The following FAM98B variants were observed in gnomAD, a reference collection of about 807,000 sequenced individuals.
FAM98B encodes tRNA-splicing ligase complex subunit FAM98B.
FAM98B carries 32 observed loss-of-function variants against 43.9 expected under a neutral mutation model. That is an observed-to-expected ratio of 0.73 (90% CI 0.55 to 0.98). FAM98B has a LOEUF of 0.98. FAM98B is among the 50% of genes least tolerant of loss of function. The probability of loss-of-function intolerance (pLI) is 0.00; values close to 1 mark genes in which losing one functional copy is unlikely to be tolerated. For missense variants in FAM98B, 514 were observed against 522.9 expected, an observed-to-expected ratio of 0.98 and a Z score of 0.17; for synonymous variants, 190 against 174.0, an observed-to-expected ratio of 1.09 and a Z score of -0.72.
At position 38,484,291 on chromosome 15, in the gene FAM98B, C is replaced by T; in HGVS notation, c.934C>T (p.Pro312Ser). 2 of 1,549,530 alleles carry T rather than the reference C, an allele frequency of 1.3e-6. No individual in the cohort carries two copies. The highest frequency in any genetic ancestry group is 1.7e-6 in the Non-Finnish European group (2 of 1,146,994). The change falls in exon 8 of 8, where the codon CCG becomes TCG. Residue 312 changes from proline to serine, a missense_variant. Physicochemically the swap from Pro to Ser is moderately conservative, Grantham distance 74. Around this residue, in one of 2 missense-constraint regions of FAM98B, gnomAD observed 469 missense variants for 451.8 expected, o/e 1.04. Transcript: ENST00000397609. Reference sequence around the variant, plus strand: ...AAGGGTGCCTGACAGGGGAGGCCGGCCGAATGAAATTGAACCACCACCTCC... The same window carrying T: ...AAGGGTGCCTGACAGGGGAGGCCGGTCGAATGAAATTGAACCACCACCTCC... ...MGRVPDRGGR[P>S]NEIEPPPPEM...
intron 2 of FAM98B, 45 bp downstream of exon 2, chr15:38,464,222 T>A: frequency 6.5e-7 from 1 of 1,531,030 alleles, no homozygotes; most frequent in Middle Eastern, 1.8e-4. Context: ...AATAGTAAAC[T>A]GATAACTTAC....
rs565735405 is a variant in FAM98B at position 38,485,622 on chromosome 15, C to G, written c.*963C>G. Reference sequence around the variant, plus strand: ...ATTTGCTAGTTGGAGCAGTCAAAGTCTTAGCTATCAAGAGTTGTGAATTTG... The same window carrying G: ...ATTTGCTAGTTGGAGCAGTCAAAGTGTTAGCTATCAAGAGTTGTGAATTTG... On this transcript the variant is annotated 3_prime_UTR_variant, in exon 8 of 8. Transcript: ENST00000397609. 2 of 152,172 alleles carry G rather than the reference C, an allele frequency of 1.3e-5. No homozygotes were observed. The highest frequency in any genetic ancestry group is 4.8e-5 in the African/African-American group (2 of 41,438). The allele number at this position is 152,172 out of a possible 1,614,324, so 9.4% of individuals were successfully genotyped here.
intron 7 of FAM98B, chr15:38,482,321 T>C (rs1378493726): frequency 1.3e-5 from 2 of 152,250 alleles, no homozygotes; most frequent in Non-Finnish European, 2.9e-5. Flanking sequence ...ATATATTACC[T>C]AACATCTTGC....
At position 38,473,515 on chromosome 15, in the gene FAM98B, T is replaced by C. The variant is rs201011129; in HGVS notation, c.542T>C (p.Ile181Thr). 16 of 1,603,644 alleles carry C rather than the reference T, an allele frequency of 1.0e-5. No homozygotes were observed. Among genetic ancestry groups the C allele is most frequent in the South Asian group, 5.6e-5 (5 of 88,594 alleles). ...LNQVESKVKD[I>T]LSKVQKNHVG... The stretch of plus-strand genomic sequence containing the variant: ...TATATTTACTTTTAGGTGAAAGATA[T>C]TCTCTCAAAGGTCCAGAAAAATCAT... The change falls in exon 5 of 8, where the codon ATT becomes ACT. Residue 181 changes from isoleucine (I) to threonine (T), a missense_variant. By Grantham distance (89) the Ile-to-Thr change is moderately conservative. This residue lies in a region of FAM98B where 469 missense variants were observed against 451.8 expected (regional missense o/e 1.04). Transcript: ENST00000397609.
rs1268533240 is a variant in FAM98B at position 38,486,145 on chromosome 15, A to G, written c.*1486A>G. The G allele has an allele frequency of 6.6e-6, 1 of 152,074 alleles. No individual in the cohort carries two copies. Among genetic ancestry groups the G allele is most frequent in the Admixed American group, 6.5e-5 (1 of 15,268 alleles). 9.4% of individuals were successfully genotyped at this position (152,074 alleles called of 1,614,324 possible). ...GAATATTCTGTAATCTTAGACATGT[A>G]TTTTTCAAGCTAACCCTTTGAAGAA... On this transcript the variant is annotated 3_prime_UTR_variant, in exon 8 of 8. Coordinates refer to ENST00000397609, the MANE Select transcript of FAM98B (RefSeq NM_173611.4).
chr15:38,459,547 C>A, intron 1 of FAM98B: 1 of 276,224 alleles, frequency 3.6e-6, no homozygotes, highest in South Asian at 3.3e-5. Flanking sequence ...CCATCTAATT[C>A]CACAGGTGCG....
chr15:38,481,175 T>C, intron 6 of FAM98B, 117 bp from the exon 7 acceptor site: 1 of 833,970 alleles, frequency 1.2e-6, no homozygotes, highest in Non-Finnish European at 1.9e-6. Context: ...TTTTGCTCTT[T>C]TCTAACTCCT....
chr15:38,454,877 C>T (rs984232651), intron 1 of FAM98B, among the ~76,000 whole-genome samples: 1 of 152,122 alleles, frequency 6.6e-6, no homozygotes, highest in Non-Finnish European at 1.5e-5. Flanking sequence ...AGTCTGCTGC[C>T]GGCTGGTATT....
intron 1 of FAM98B, among the ~76,000 whole-genome samples, chr15:38,456,877 G>A (rs1162399864): frequency 6.6e-6 from 1 of 152,224 alleles, no homozygotes; most frequent in Admixed American, 6.5e-5. Context: ...GGGCAGAGTG[G>A]TGGGAAATTG....
intron 1 of FAM98B, among the ~76,000 whole-genome samples, chr15:38,460,428 A>T (rs2141052063): frequency 6.6e-6 from 1 of 152,214 alleles, no homozygotes; most frequent in African/African-American, 2.4e-5. Flanking sequence ...TTTAAATGAA[A>T]GTAAAAAAAT....
intron 4 of FAM98B, among the ~76,000 whole-genome samples, chr15:38,472,444 T>A (rs1203717226): frequency 6.6e-6 from 1 of 152,078 alleles, no homozygotes; most frequent in Non-Finnish European, 1.5e-5. Flanking sequence ...AAAGCTGAAG[T>A]TTTGGGGTCT....
At chr15:38,465,523 T>G in intron 3 of FAM98B, 120 bp downstream of exon 3, 1 of 915,810 alleles carries the variant, frequency 1.1e-6, no homozygotes, top group Non-Finnish European at 1.5e-6. Context: ...ATATTTTACT[T>G]AAAATACAAA....
At chr15:38,482,282 C>A (rs1890297149) in intron 7 of FAM98B, 1 of 152,236 alleles carries the variant, frequency 6.6e-6, no homozygotes, top group Admixed American at 6.5e-5. Context: ...GTGGCTCAAT[C>A]CTATGTTCTG....
rs74009809 is a variant in FAM98B at position 38,459,330 on chromosome 15, C to T, written c.72-4702C>T. 2,193 of 488,276 alleles carry T rather than the reference C, an allele frequency of 4.5e-3. 48 individuals carry two copies. Among genetic ancestry groups the T allele is most frequent in the African/African-American group, 0.04 (2,024 of 51,076 alleles). The allele number at this position is 488,276 out of a possible 1,614,324, so 30.2% of individuals were successfully genotyped here. A position where few individuals can be genotyped will look rare whatever the true frequency, so the allele number is the denominator to read the frequency against. On this transcript the variant is annotated intron_variant, in intron 1 of 7. Coordinates refer to ENST00000397609, the MANE Select transcript of FAM98B (RefSeq NM_173611.4). ...TGGTACTGGAGACACTGGAGCAGAT[C>T]CGACTTAGCAGTGGTGTTGGCTTCC... is the stretch of plus-strand genomic sequence containing the variant.
In FAM98B at chr15:38,474,259, T is replaced by C. The variant is rs1566900057; in HGVS notation, c.690T>C (p.Asp230=). The change falls in exon 6 of 8, where the codon GAT becomes GAC. Residue 230 remains aspartate, a synonymous_variant. Transcript: ENST00000397609. ...CRRRMLMKRL[D]VTVQSFGWSD... is the part of the protein sequence containing the mutation. ...GACGAATGTTAATGAAACGATTAGA[T>C]GTGACTGTACAGTCCTTTGGATGGT... 1.2e-6 allele frequency: 2 copies of C among 1,613,828 alleles called. No individual in the cohort carries two copies. The highest frequency in any genetic ancestry group is 8.5e-7 in the Non-Finnish European group (1 of 1,179,776).
At chr15:38,461,779 G>A (rs1413935401) in intron 1 of FAM98B, among the ~76,000 whole-genome samples, 1 of 152,078 alleles carries the variant, frequency 6.6e-6, no homozygotes, top group Non-Finnish European at 1.5e-5. Context: ...ACTATACTGA[G>A]TTACCAGATG....
Position 38,456,318 on chromosome 15 carries a change from C to T in FAM98B, c.71+2086C>T, listed in dbSNP as rs115974737. On this transcript the variant is annotated intron_variant, in intron 1 of 7. Transcript: ENST00000397609. The stretch of plus-strand genomic sequence containing the variant: ...GGAAGTACATCAGAGTCGTGTGGAA[C>T]TTGTGAAAAACTGTTCCAGTCTAGT... Among the ~76,000 whole-genome samples, 1,276 of 152,296 alleles carry T rather than the reference C, an allele frequency of 8.4e-3. 23 individuals are homozygous for T. Among genetic ancestry groups the T allele is most frequent in the African/African-American group, 0.029 (1,209 of 41,552 alleles).
In FAM98B at chr15:38,463,955, A is replaced by T; in HGVS notation, c.72-77A>T. 3 of 1,339,206 alleles carry T rather than the reference A, an allele frequency of 2.2e-6. No homozygotes were observed. The South Asian group carries it at 4.7e-5, about 21-fold the overall frequency. 83.0% of individuals were successfully genotyped at this position (1,339,206 alleles called of 1,614,324 possible). On this transcript the variant is annotated intron_variant, in intron 1 of 7. Coordinates refer to ENST00000397609, the MANE Select transcript of FAM98B (RefSeq NM_173611.4). ...TTTTATTTACAAAAACAAGCAGCAG[A>T]CCTTGACACAGAGTGTTGGAGGTTT...
rs1350047653 is a variant in FAM98B, at chr15:38,481,459, G to C, written c.897G>C (p.Lys299Asn). Residue 299 changes from lysine to asparagine, a missense_variant and splice_region_variant, in exon 7 of 8, where the codon AAG becomes AAC. This residue lies in a region of FAM98B where 469 missense variants were observed against 451.8 expected (regional missense o/e 1.04). Coordinates refer to ENST00000397609, the MANE Select transcript of FAM98B (RefSeq NM_173611.4). Reference protein sequence around the residue: ...SREKTACAINKVLMGRVPDRG... With the variant: ...SREKTACAINNVLMGRVPDRG... Reference sequence around the variant, plus strand: ...AGAAGACCGCATGTGCCATTAATAAGGTTGGTGTTTCTTTCAGTACAGTGG... The same window carrying C: ...AGAAGACCGCATGTGCCATTAATAACGTTGGTGTTTCTTTCAGTACAGTGG... 3.7e-6 allele frequency: 6 copies of C among 1,614,168 alleles called. No homozygotes were observed. The highest frequency in any genetic ancestry group is 5.1e-6 in the Non-Finnish European group (6 of 1,180,012).
Sources: gnomAD v4.1 joint callset for allele counts (sites outside exome capture counted in the v4.1 genomes callset) on GRCh38, gnomAD v4.1.1 for gene constraint, gnomAD v4.1.1 regional missense constraint, MANE v1.5 for transcripts, NCBI Gene and HGNC (gene_info 2026-07-23, HGNC 2026-07-21) for gene names.